Variants in ZNF528 observed in about 807,000 individuals in gnomAD.
ZNF528 encodes zinc finger protein 528.
A neutral mutation model predicts 13.3 loss-of-function variants in ZNF528; 9 were observed. The observed-to-expected ratio is 0.67, with a 90% confidence interval of 0.41 to 1.18. The LOEUF is 1.18. Among genes scored for constraint, ZNF528 ranks in the 50% most tolerant of loss-of-function variants. The pLI is 0.01. For synonymous variants in ZNF528, 264 were observed against 254.3 expected, an observed-to-expected ratio of 1.04 and a Z score of -0.36; for missense variants, 858 against 745.4, an observed-to-expected ratio of 1.15 and a Z score of -1.76.
chr19:52,416,738 G>A lies in ZNF528; in HGVS notation c.1886G>A (p.Ter629=), dbSNP rs2059010260. 1 of 1,524,856 alleles carries A rather than the reference G, an allele frequency of 6.6e-7. No homozygotes were observed. The highest frequency in any genetic ancestry group is 1.9e-5 in the Admixed American group (1 of 51,726). 94.5% of individuals were successfully genotyped at this position (1,524,856 alleles called of 1,614,324 possible). The change falls in exon 7 of 7, where the codon TGA becomes TAA. Residue 629 remains the stop codon, a stop_retained_variant. Transcript: ENST00000360465. The part of the protein sequence containing the change: ...DLAQHQRVHS[*] ...GCACAGCATCAGAGAGTTCATTCAT[G>A]AGAGTCCCTACAAACTGTATGGCAA...
intron 6 of ZNF528, among the ~76,000 whole-genome samples, chr19:52,409,293 A>T (rs2058899291): frequency 6.8e-6 from 1 of 148,058 alleles, no homozygotes; most frequent in Non-Finnish European, 1.5e-5. Context: ...AATTAGAATG[A>T]TCAAATCTCT....
At position 52,416,697 on chromosome 19, in the gene ZNF528, TCA is replaced by T. The variant is rs1172624019; in HGVS notation, c.1848_1849del (p.His616GlnfsTer3). ...KCTLCSKVFS[H>X]NSDLAQHQRV... ...GCACCCTGTGCAGTAAGGTCTTCAGTCACAATTCTGACCTTGCACAGCATCAG... is the reference window on the plus strand; with the variant it reads ...GCACCCTGTGCAGTAAGGTCTTCAGTCAATTCTGACCTTGCACAGCATCAG... On this transcript the variant is annotated frameshift_variant, in exon 7 of 7. Transcript: ENST00000360465. LOFTEE classifies it low-confidence loss of function (END_TRUNC). 2.2e-5 allele frequency: 35 copies of T among 1,610,612 alleles called. No individual in the cohort carries two copies. Among genetic ancestry groups the T allele is most frequent in the Non-Finnish European group, 2.8e-5 (33 of 1,177,134 alleles).
chr19:52,402,916 A>G (rs1051685588), intron 4 of ZNF528, among the ~76,000 whole-genome samples: 1 of 152,156 alleles, frequency 6.6e-6, no homozygotes, highest in African/African-American at 2.4e-5. Flanking sequence ...CTATAATTCT[A>G]GCTTCTTGAG....
chr19:52,406,962 G>A (rs2058864527), intron 6 of ZNF528: 1 of 334,822 alleles, frequency 3.0e-6, no homozygotes, highest in African/African-American at 2.1e-5. Flanking sequence ...TTATTTTTTG[G>A]AGATAGGATC....
chr19:52,415,968 G>A lies in ZNF528; in HGVS notation c.1116G>A (p.Gln372=). The A allele has an allele frequency of 1.9e-6, 3 of 1,613,820 alleles. No homozygotes were observed. The highest frequency in any genetic ancestry group is 8.5e-7 in the Non-Finnish European group (1 of 1,179,936). Residue 372 remains glutamine, a synonymous_variant, in exon 7 of 7, where the codon CAG becomes CAA. Transcript: ENST00000360465. ...TGCGTTCCAGCCTCATAACCCATCA[G>A]TTAATTCACACTGGAAGGAAACCTT... The part of the protein sequence containing the change: ...FSVRSSLITH[Q]LIHTGRKPYK...
chr19:52,416,090 A>C lies in ZNF528; in HGVS notation c.1238A>C (p.Gln413Pro), dbSNP rs1186066935. The C allele has an allele frequency of 6.2e-7, 1 of 1,613,932 alleles. No individual in the cohort carries two copies. Among genetic ancestry groups the C allele is most frequent in the Non-Finnish European group, 8.5e-7 (1 of 1,180,040 alleles). ...HTRERPYGCS[Q>P]CGKIFSQKSD... ...AGAGAGAGACCTTATGGATGCAGTC[A>C]GTGTGGCAAGATCTTTAGTCAGAAA... The change falls in exon 7 of 7, where the codon CAG becomes CCG. Residue 413 changes from glutamine to proline, a missense_variant. Physicochemically the swap from Gln to Pro is moderately conservative, Grantham distance 76. Coordinates refer to ENST00000360465, the MANE Select transcript of ZNF528 (RefSeq NM_032423.3).
At chr19:52,409,705 CTTGT>C (rs897750729) in intron 6 of ZNF528, among the ~76,000 whole-genome samples, 6 of 150,970 alleles carry the variant, frequency 4.0e-5, no homozygotes, top group South Asian at 4.2e-4. Flanking sequence ...GGTTTTTTTG[CTTGT>C]TTGTTTTTGT....
chr19:52,412,118 T>C (rs1477524441), intron 6 of ZNF528: 1 of 152,228 alleles, frequency 6.6e-6, no homozygotes, highest in East Asian at 1.9e-4. Flanking sequence ...TTAGAGGCTA[T>C]GGATTGGGAT....
intron 6 of ZNF528, chr19:52,412,973 C>T (rs548052449): frequency 2.0e-5 from 3 of 152,326 alleles, no homozygotes; most frequent in African/African-American, 4.8e-5. Flanking sequence ...TGCACATTTA[C>T]AATCCACGTT....
chr19:52,400,227 AACACACACACACACAC>A lies in ZNF528; in HGVS notation c.-136-1435_-136-1420del, dbSNP rs56136198. ...CCCAGATGGAGTTGTTGCCCATTAAAACACACACACACACACACACACACACACACACACACACGCC... is the reference window on the plus strand; with the variant it reads ...CCCAGATGGAGTTGTTGCCCATTAAAACACACACACACACACACACACGCC... On this transcript the variant is annotated intron_variant, in intron 2 of 6. Coordinates refer to ENST00000360465, the MANE Select transcript of ZNF528 (RefSeq NM_032423.3). Among the ~76,000 whole-genome samples the A allele has an allele frequency of 6.4e-4, 92 of 144,714 alleles. 2 individuals are homozygous for A. The highest frequency in any genetic ancestry group is 3.5e-3 in the Admixed American group (51 of 14,522). The allele number at this position is 144,714 out of a possible 152,430, so 94.9% of individuals were successfully genotyped here. A position where few individuals can be genotyped will look rare whatever the true frequency, so the allele number is the denominator to read the frequency against.
intron 4 of ZNF528, among the ~76,000 whole-genome samples, chr19:52,404,793 T>A (rs1278447119): frequency 6.6e-6 from 1 of 151,144 alleles, no homozygotes; most frequent in Non-Finnish European, 1.5e-5. Context: ...GAGACAGGGT[T>A]TTACCATGTT....
In ZNF528 at chr19:52,399,679, T is replaced by C. The variant is rs115782613; in HGVS notation, c.-137+1060T>C. ...CACTATTTATAAGGCACTCTTCTCTTTTCTTGGGATGGACTAGGGTGTGAG... is the reference window on the plus strand; with the variant it reads ...CACTATTTATAAGGCACTCTTCTCTCTTCTTGGGATGGACTAGGGTGTGAG... On this transcript the variant is annotated intron_variant, in intron 2 of 6. Transcript: ENST00000360465. Among the ~76,000 whole-genome samples the C allele has an allele frequency of 8.7e-3, 1,329 of 152,210 alleles. 16 individuals carry two copies. The highest frequency in any genetic ancestry group is 0.031 in the African/African-American group (1,270 of 41,530).
Position 52,416,342 on chromosome 19 carries a change from G to A in ZNF528, c.1490G>A (p.Arg497Lys). The A allele has an allele frequency of 6.2e-7, 1 of 1,613,790 alleles. No homozygotes were observed. The highest frequency in any genetic ancestry group is 8.5e-7 in the Non-Finnish European group (1 of 1,179,868). Residue 497 changes from arginine (R) to lysine (K), a missense_variant, in exon 7 of 7, where the codon AGA becomes AAA. Coordinates refer to ENST00000360465, the MANE Select transcript of ZNF528 (RefSeq NM_032423.3). ...HTGEKPYKCN[R>K]CGKVFSRSSN... is the part of the protein sequence containing the mutation. ...GGAGAGAAGCCTTACAAATGTAACA[G>A]ATGTGGCAAGGTCTTCAGTCGCAGT...
chr19:52,416,571 AAAG>A lies in ZNF528; in HGVS notation c.1722_1724del (p.Lys575del). On this transcript the variant is annotated inframe_deletion, in exon 7 of 7. Coordinates refer to ENST00000360465, the MANE Select transcript of ZNF528 (RefSeq NM_032423.3). ...CTGCCCATCTTGCAATCCATACTGA[AAAG>A]AAATCTCATGAGTGTAAAGAATGTG... The A allele has an allele frequency of 1.2e-6, 2 of 1,614,194 alleles. No individual in the cohort carries two copies. The highest frequency in any genetic ancestry group is 1.7e-6 in the Non-Finnish European group (2 of 1,180,024).
chr19:52,401,662 C>CTTT lies in ZNF528; in HGVS notation c.-136-5_-136-3dup, dbSNP rs34244828. On this transcript the variant is annotated intron_variant, in intron 2 of 6. Coordinates refer to ENST00000360465, the MANE Select transcript of ZNF528 (RefSeq NM_032423.3). ...CAGTTTATTACCACATGAAGAATTG[C>CTTT]TTTTTTTTTTTTTTTTTTTTAGGTT... 2.1e-3 allele frequency: 1,946 copies of CTTT among 905,382 alleles called. 1 individual carries two copies. The highest frequency in any genetic ancestry group is 7.7e-3 in the East Asian group (110 of 14,210). 56.1% of individuals were successfully genotyped at this position (905,382 alleles called of 1,614,324 possible).
chr19:52,414,717 G>T, intron 6 of ZNF528: 1 of 380,020 alleles, frequency 2.6e-6, no homozygotes. Context: ...CATCTCTTGG[G>T]CCTTCAGCTT....
intron 4 of ZNF528, among the ~76,000 whole-genome samples, chr19:52,404,680 T>A (rs1047952508): frequency 6.6e-6 from 1 of 152,008 alleles, no homozygotes; most frequent in Non-Finnish European, 1.5e-5. Context: ...CACTGTAGAC[T>A]CCACCTCCCG....
chr19:52,415,067 G>C (rs2058982017), intron 6 of ZNF528, 57 bp from the exon 7 acceptor site: 1 of 1,609,154 alleles, frequency 6.2e-7, no homozygotes, highest in Non-Finnish European at 8.5e-7. Context: ...CCCTCTGTCA[G>C]ACACTAAAGA....
chr19:52,408,698 C>T (rs900004869), intron 6 of ZNF528, among the ~76,000 whole-genome samples: 11 of 151,806 alleles, frequency 7.2e-5, no homozygotes, highest in Non-Finnish European at 1.2e-4. Context: ...CTCAGCCTCC[C>T]GAGTAGCTGG....
Sources: allele counts gnomAD v4.1 joint callset (sites outside exome capture counted in the v4.1 genomes callset), GRCh38; gene constraint gnomAD v4.1.1; transcripts MANE v1.5; gene names NCBI Gene and HGNC (gene_info 2026-07-23, HGNC 2026-07-21).